Variants in NNT observed in about 807,000 individuals in gnomAD.
The protein encoded by NNT is nicotinamide nucleotide transhydrogenase.
A neutral mutation model predicts 104.8 loss-of-function variants in NNT; 50 were observed. That is an observed-to-expected ratio of 0.48 (90% CI 0.38 to 0.60). NNT has a LOEUF of 0.60. NNT is among the 20% of genes least tolerant of loss of function. The pLI is 0.00. For synonymous variants in NNT, 461 were observed against 490.4 expected (o/e 0.94, Z 0.79); for missense variants, 1,131 against 1,330.7 (o/e 0.85, Z 2.33).
At chr5:43,691,700 C>T (rs1171834198) in intron 19 of NNT, among the ~76,000 whole-genome samples, 3 of 152,202 alleles carry the variant, frequency 2.0e-5, no homozygotes, top group South Asian at 2.1e-4. Flanking sequence ...TACTAAGCAT[C>T]TCTGTTAAAG....
chr5:43,675,016 G>A (rs1741336716), intron 17 of NNT, among the ~76,000 whole-genome samples: 1 of 152,112 alleles, frequency 6.6e-6, no homozygotes, highest in South Asian at 2.1e-4. Flanking sequence ...AAATAAGACA[G>A]TATCAACCCC....
chr5:43,639,452 A>C (rs1212532147), intron 7 of NNT, among the ~76,000 whole-genome samples: 1 of 152,158 alleles, frequency 6.6e-6, no homozygotes, highest in Non-Finnish European at 1.5e-5. Flanking sequence ...TTCACTCCAA[A>C]TAACTGCCAA....
At chr5:43,639,701 G>A (rs1485224498) in intron 7 of NNT, among the ~76,000 whole-genome samples, 1 of 152,108 alleles carries the variant, frequency 6.6e-6, no homozygotes, top group Non-Finnish European at 1.5e-5. Flanking sequence ...AGAGCTTGAT[G>A]TCCTACAGTT....
At chr5:43,645,801 C>T (rs1411478578) in intron 10 of NNT, 2 of 147,720 alleles carry the variant, frequency 1.4e-5, no homozygotes, top group African/African-American at 5.0e-5. Context: ...TGCAAGCTCC[C>T]CCTCCCGGGT....
chr5:43,616,160 A>G (rs1441802817), intron 4 of NNT, 95 bp downstream of exon 4: 3 of 1,047,948 alleles, frequency 2.9e-6, no homozygotes, highest in Non-Finnish European at 4.2e-6. Context: ...TTTTATTTGT[A>G]ATTATTGTTG....
chr5:43,631,461 G>A (rs932830408), intron 7 of NNT, among the ~76,000 whole-genome samples: 2 of 152,176 alleles, frequency 1.3e-5, no homozygotes, highest in African/African-American at 2.4e-5. Flanking sequence ...ACCTCTGAGA[G>A]GCAGCTGCGC....
chr5:43,658,786 T>A (rs1246914973), intron 16 of NNT, among the ~76,000 whole-genome samples: 1 of 152,230 alleles, frequency 6.6e-6, no homozygotes, highest in East Asian at 1.9e-4. Context: ...TCAGTAAGAC[T>A]GTGGGCTTAT....
chr5:43,647,461 C>T (rs1417083348), intron 10 of NNT, among the ~76,000 whole-genome samples: 2 of 152,220 alleles, frequency 1.3e-5, no homozygotes, highest in Non-Finnish European at 2.9e-5. Context: ...TGGCATATTC[C>T]AGTGAATGAA....
chr5:43,628,314 T>C lies in NNT; in HGVS notation c.891T>C (p.Ile297=). Residue 297 remains isoleucine (I), a synonymous_variant, in exon 7 of 22, where the codon ATT becomes ATC. Transcript: ENST00000344920. ...CAAAAGAGATGTCCAAAGAGTTCAT[T>C]GAAGCTGAAATGAAACTCTTTGCTC... ...GYAKEMSKEF[I]EAEMKLFAQQ... The C allele has an allele frequency of 1.9e-6, 3 of 1,614,030 alleles. No individual in the cohort carries two copies. The African/African-American group carries it at 4.0e-5, about 22-fold the overall frequency.
chr5:43,644,311 C>G lies in NNT; in HGVS notation c.1084C>G (p.Leu362Val), dbSNP rs150289946. The change falls in exon 8 of 22, where the codon CTC becomes GTC. Residue 362 changes from leucine to valine, a missense_variant. Leu to Val is a conservative substitution (Grantham distance 32, BLOSUM62 1). Transcript: ENST00000344920. The stretch of plus-strand genomic sequence containing the variant: ...CTTTGAAACCACTAAGCCAGGAGAA[C>G]TCTACATTCATAAGGTATAGCAAGA... ...GNFETTKPGE[L>V]YIHKGITHIG... is the part of the protein sequence containing the mutation. 6.2e-7 allele frequency: 1 copy of G among 1,613,668 alleles called. No individual in the cohort carries two copies. Among genetic ancestry groups the G allele is most frequent in the African/African-American group, 1.3e-5 (1 of 74,878 alleles).
In NNT at chr5:43,659,130, T is replaced by C; in HGVS notation, c.2455-41T>C. On this transcript the variant is annotated intron_variant, in intron 16 of 21. Transcript: ENST00000344920. Reference sequence around the variant, plus strand: ...TGTTAAATGTCAGAGGTTTTATTTTTATGTTATTAATTTTGAGTTCTGATT... The same window carrying C: ...TGTTAAATGTCAGAGGTTTTATTTTCATGTTATTAATTTTGAGTTCTGATT... 3 of 1,511,462 alleles carry C rather than the reference T, an allele frequency of 2.0e-6. No individual in the cohort carries two copies. The South Asian group carries it at 3.9e-5, about 20-fold the overall frequency. The allele number at this position is 1,511,462 out of a possible 1,614,324, so 93.6% of individuals were successfully genotyped here. A position where few individuals can be genotyped will look rare whatever the true frequency, so the allele number is the denominator to read the frequency against.
intron 19 of NNT, among the ~76,000 whole-genome samples, chr5:43,690,231 AT>A (rs879671987): frequency 3.4e-3 from 500 of 145,566 alleles, no homozygotes; most frequent in African/African-American, 4.2e-3. Flanking sequence ...CGATATCTTG[AT>A]TTTTTTTTTT....
chr5:43,674,032 A>G (rs1741274787), intron 17 of NNT, among the ~76,000 whole-genome samples: 1 of 152,046 alleles, frequency 6.6e-6, no homozygotes, highest in East Asian at 1.9e-4. Context: ...AAAAAAAAAA[A>G]AAAGACATCA....
chr5:43,704,940 T>A lies in NNT; in HGVS notation c.*536T>A, dbSNP rs1355900594. The A allele has an allele frequency of 6.5e-6, 1 of 152,680 alleles. No homozygotes were observed. The highest frequency in any genetic ancestry group is 1.5e-5 in the Non-Finnish European group (1 of 68,402). The allele number at this position is 152,680 out of a possible 1,614,324, so 9.5% of individuals were successfully genotyped here. ...TCATATCAAATCAGTTTTAATTTTT[T>A]AAATTGTACTTCAGAGTCTATATTT... is the stretch of plus-strand genomic sequence containing the variant. On this transcript the variant is annotated 3_prime_UTR_variant, in exon 22 of 22. Coordinates refer to ENST00000344920, the MANE Select transcript of NNT (RefSeq NM_182977.3).
At chr5:43,695,362 G>A (rs1024752063) in intron 19 of NNT, among the ~76,000 whole-genome samples, 9 of 152,138 alleles carry the variant, frequency 5.9e-5, no homozygotes, top group African/African-American at 2.2e-4. Context: ...AAATAACAAG[G>A]CATCTTAAAT....
At chr5:43,672,897 G>A (rs1561311472) in intron 17 of NNT, among the ~76,000 whole-genome samples, 1 of 152,250 alleles carries the variant, frequency 6.6e-6, no homozygotes, top group Non-Finnish European at 1.5e-5. Context: ...GTCTACAGAG[G>A]TAGGCAGGCT....
chr5:43,655,727 A>T, intron 14 of NNT, 113 bp from the exon 15 acceptor site: 2 of 745,348 alleles, frequency 2.7e-6, no homozygotes, highest in South Asian at 3.5e-5. Flanking sequence ...CCGTACTAGG[A>T]ACTAGATAAT....
chr5:43,617,690 C>T (rs999231342), intron 4 of NNT, among the ~76,000 whole-genome samples: 1 of 152,100 alleles, frequency 6.6e-6, no homozygotes, highest in Admixed American at 6.6e-5. Flanking sequence ...CGTACATTTC[C>T]TGTGTAATCT....
At chr5:43,657,068 C>T (rs1460952754) in intron 16 of NNT, among the ~76,000 whole-genome samples, 1 of 152,126 alleles carries the variant, frequency 6.6e-6, no homozygotes, top group Non-Finnish European at 1.5e-5. Context: ...GGAGTCTTTT[C>T]ACCGGATCAA....
Sources: allele counts gnomAD v4.1 joint callset (sites outside exome capture counted in the v4.1 genomes callset), GRCh38; gene constraint gnomAD v4.1.1; transcripts MANE v1.5; gene names NCBI Gene and HGNC (gene_info 2026-07-23, HGNC 2026-07-21).